COL11A1: variants seen among roughly 807,000 people sequenced by gnomAD.
The protein encoded by COL11A1 is collagen alpha-1(XI) chain.
In COL11A1, 74 loss-of-function variants were observed where a neutral mutation model predicts 265.2. The ratio of observed to expected loss-of-function variants is 0.28; its 90% CI spans 0.23 to 0.34. The LOEUF (loss-of-function observed/expected upper bound fraction) is 0.34. COL11A1 is among the 10% of genes least tolerant of loss of function. The pLI is 1.00. For synonymous variants in COL11A1, 816 were observed against 727.6 expected, an observed-to-expected ratio of 1.12 and a Z score of -1.96; for missense variants, 2,165 against 2,263.6, an observed-to-expected ratio of 0.96 and a Z score of 0.88.
At chr1:102,975,516 A>G (rs866152938) in intron 35 of COL11A1, among the ~76,000 whole-genome samples, 69 of 152,212 alleles carry the variant, frequency 4.5e-4, no homozygotes, top group African/African-American at 1.5e-3. Flanking sequence ...GTTCAGTCCA[A>G]ATAAAAATTA....
At chr1:103,023,451 G>C (rs1233858143) in intron 7 of COL11A1, among the ~76,000 whole-genome samples, 1 of 150,786 alleles carries the variant, frequency 6.6e-6, no homozygotes, top group Non-Finnish European at 1.5e-5. Flanking sequence ...TCCACCTCCT[G>C]GGTTCAAGTG....
Position 102,887,003 on chromosome 1 carries a change from C to T in COL11A1, c.4662G>A (p.Thr1554=), listed in dbSNP as rs200462060. ...QPLPILSSKK[T]RRHTEGMQAD... is the part of the protein sequence containing the mutation. ...CTTGCATGCCTTCAGTATGTCTTCTCGTTTTTTTGGAGGACAAGATTGGTA... is the reference window on the plus strand; with the variant it reads ...CTTGCATGCCTTCAGTATGTCTTCTTGTTTTTTTGGAGGACAAGATTGGTA... Residue 1554 remains threonine (T), a synonymous_variant, in exon 63 of 67, where the codon ACG becomes ACA. Transcript: ENST00000370096. 39 of 1,613,780 alleles carry T rather than the reference C, an allele frequency of 2.4e-5. No homozygotes were observed. In the East Asian group the frequency reaches 3.8e-4, roughly 16 times the overall value.
intron 41 of COL11A1, among the ~76,000 whole-genome samples, chr1:102,957,549 C>T (rs886294408): frequency 5.3e-5 from 8 of 152,028 alleles, no homozygotes; most frequent in African/African-American, 1.7e-4. Context: ...TTCTGACAAA[C>T]ATCTTGTCAT....
intron 64 of COL11A1, 96 bp from the exon 65 acceptor site, chr1:102,881,861 G>A: frequency 1.1e-6 from 1 of 887,358 alleles, no homozygotes; most frequent in East Asian, 2.7e-5. Context: ...GTAAGACTAA[G>A]AAAATAAAGA....
At chr1:102,927,802 A>AC (rs1171444487) in intron 46 of COL11A1, among the ~76,000 whole-genome samples, 1 of 152,202 alleles carries the variant, frequency 6.6e-6, no homozygotes, top group Non-Finnish European at 1.5e-5. Context: ...TCAAATTACA[A>AC]TTTTAAAATG....
At chr1:103,026,730 G>A (rs770618890) in intron 5 of COL11A1, among the ~76,000 whole-genome samples, 1 of 151,934 alleles carries the variant, frequency 6.6e-6, no homozygotes, top group Non-Finnish European at 1.5e-5. Flanking sequence ...AATTTCAATG[G>A]GAATTTTAAA....
chr1:102,891,232 G>T (rs1434207736), intron 57 of COL11A1, among the ~76,000 whole-genome samples: 3 of 152,060 alleles, frequency 2.0e-5, no homozygotes, highest in East Asian at 1.9e-4. Context: ...ATAAAATATT[G>T]CATGTATATT....
At chr1:103,046,279 T>TGTTGTTCCCTGACA (rs71094596) in intron 4 of COL11A1, among the ~76,000 whole-genome samples, 1 of 39,916 alleles carries the variant, frequency 2.5e-5, no homozygotes, top group African/African-American at 6.8e-5. Flanking sequence ...CTCCAGCACC[T>TGTTGTTCCCTGACA]TTTTAATGAT....
At chr1:102,956,203 A>G (rs1190055044) in intron 41 of COL11A1, among the ~76,000 whole-genome samples, 1 of 152,200 alleles carries the variant, frequency 6.6e-6, no homozygotes, top group African/African-American at 2.4e-5. Context: ...GCTGCTTTTC[A>G]TAGATAAAAC....
chr1:103,096,465 G>A (rs910935591), intron 1 of COL11A1, among the ~76,000 whole-genome samples: 2 of 151,922 alleles, frequency 1.3e-5, no homozygotes, highest in Non-Finnish European at 2.9e-5. Flanking sequence ...AGAAGAACAG[G>A]TTTCAGGAGA....
rs2100922988 is a variant in COL11A1 at position 102,898,712 on chromosome 1, G to T, written c.4202C>A (p.Ala1401Glu). Residue 1401 changes from alanine to glutamate, a missense_variant, in exon 56 of 67, where the codon GCA (alanine) becomes GAA (glutamate). By Grantham distance (107) the Ala-to-Glu change is moderately radical. Coordinates refer to ENST00000370096, the MANE Select transcript of COL11A1 (RefSeq NM_001854.4). ...AAGACCTTCTGGACCAGGCTTTCCT[G>T]CAGGTCCCTGAGGACCGACTGGGCC... ...KTGPVGPQGP[A>E]GKPGPEGLRG... 3 of 1,612,896 alleles carry T rather than the reference G, an allele frequency of 1.9e-6. No homozygotes were observed. The highest frequency in any genetic ancestry group is 2.5e-6 in the Non-Finnish European group (3 of 1,179,318).
intron 1 of COL11A1, among the ~76,000 whole-genome samples, chr1:103,099,805 A>G (rs2102410312): frequency 6.6e-6 from 1 of 151,970 alleles, no homozygotes; most frequent in Non-Finnish European, 1.5e-5. Context: ...ACTGTTTTCC[A>G]TATGAAAAAG....
At chr1:102,979,323 C>A in intron 32 of COL11A1, 59 bp downstream of exon 32, 2 of 1,364,542 alleles carry the variant, frequency 1.5e-6, no homozygotes, top group Non-Finnish European at 2.1e-6. Context: ...AGGCACACAC[C>A]ACTATGTCCA....
At chr1:102,931,915 C>T (rs1445704121) in intron 46 of COL11A1, among the ~76,000 whole-genome samples, 1 of 151,354 alleles carries the variant, frequency 6.6e-6, no homozygotes, top group African/African-American at 2.4e-5. Context: ...GGATTGCAAG[C>T]CCTGCCTTTT....
intron 36 of COL11A1, among the ~76,000 whole-genome samples, chr1:102,972,910 T>C (rs1557889204): frequency 6.6e-6 from 1 of 151,292 alleles, no homozygotes; most frequent in African/African-American, 2.5e-5. Flanking sequence ...ATTCCCAAAA[T>C]ATGCCGATAT....
intron 42 of COL11A1, among the ~76,000 whole-genome samples, chr1:102,940,870 T>C (rs942456272): frequency 3.1e-4 from 47 of 152,328 alleles, no homozygotes; most frequent in African/African-American, 9.4e-4. Flanking sequence ...GTAACTTTCT[T>C]ATTTTTAAGT....
chr1:102,956,887 A>C (rs995736194), intron 41 of COL11A1, among the ~76,000 whole-genome samples: 4 of 151,832 alleles, frequency 2.6e-5, no homozygotes, highest in Admixed American at 6.6e-5. Context: ...ACTAAAAAAA[A>C]AACCAAGTCA....
chr1:103,074,420 C>A (rs1036886079), intron 4 of COL11A1, among the ~76,000 whole-genome samples, 198 bp downstream of exon 4: 1 of 152,054 alleles, frequency 6.6e-6, no homozygotes, highest in Non-Finnish European at 1.5e-5. Context: ...CCAGGCGTTA[C>A]GGTCACCATT....
In COL11A1 at chr1:102,995,952, T is replaced by A. The variant is rs2622867; in HGVS notation, c.2295+37A>T. The A allele has an allele frequency of 0.96, 1,547,226 of 1,612,872 alleles. 743,440 individuals carry two copies. The highest frequency in any genetic ancestry group is 1 in the East Asian group (44,821 of 44,822). On this transcript the variant is annotated intron_variant, in intron 27 of 66. Coordinates refer to ENST00000370096, the MANE Select transcript of COL11A1 (RefSeq NM_001854.4). ...GTATTAAGTGAATATAACATTTCAC[T>A]TTGAAAGTAAATAATGTGAAAACAA...
Sources: allele counts gnomAD v4.1 joint callset (sites outside exome capture counted in the v4.1 genomes callset), GRCh38; gene constraint gnomAD v4.1.1; transcripts MANE v1.5; gene names NCBI Gene and HGNC (gene_info 2026-07-23, HGNC 2026-07-21).